Variants in ARL17A observed in about 807,000 individuals in gnomAD.
ARL17A encodes ADP-ribosylation factor-like 17-like.
intron 3 of ARL17A, among the ~76,000 whole-genome samples, chr17:46,545,580 A>G (rs1185554891): frequency 2.3e-5 from 3 of 128,762 alleles, no homozygotes; most frequent in Admixed American, 2.3e-4. Context: ...TGTCTGAATG[A>G]ATTTGTATTA....
chr17:46,569,232 G>A (rs561596669), intron 3 of ARL17A, among the ~76,000 whole-genome samples: 7 of 151,712 alleles, frequency 4.6e-5, no homozygotes, highest in East Asian at 1.9e-4. Flanking sequence ...ACAGGTGTAA[G>A]CCACCACACT....
At chr17:46,541,688 A>G (rs2055350381) in intron 3 of ARL17A, among the ~76,000 whole-genome samples, 1 of 151,022 alleles carries the variant, frequency 6.6e-6, no homozygotes, top group Non-Finnish European at 1.5e-5. Flanking sequence ...TGGAAAAAAT[A>G]AAATATATAA....
intron 4 of ARL17A, among the ~76,000 whole-genome samples, chr17:46,534,507 G>C (rs1293475540): frequency 2.0e-5 from 3 of 148,368 alleles, no homozygotes; most frequent in Non-Finnish European, 4.4e-5. Context: ...AGAGCACTGG[G>C]TTGGGGGTAA....
In ARL17A at chr17:46,545,071, G is replaced by A. The variant is rs531847811; in HGVS notation, c.260-6645C>T. 2.9e-4 allele frequency among the ~76,000 whole-genome samples: 40 copies of A among 136,312 alleles called. 3 individuals carry two copies. Among genetic ancestry groups the A allele is most frequent in the African/African-American group, 9.9e-4 (34 of 34,288 alleles). 89.4% of individuals were successfully genotyped at this position (136,312 alleles called of 152,430 possible). ...ATAGGTGATGTATCCTTCCTGCCTC[G>A]TAACCGCAGATGGCCTGTAATACTA... On this transcript the variant is annotated intron_variant, in intron 3 of 4. Transcript: ENST00000329240.
intron 3 of ARL17A, among the ~76,000 whole-genome samples, chr17:46,568,517 G>C (rs1379015566): frequency 1.7e-5 from 2 of 114,676 alleles, no homozygotes; most frequent in Non-Finnish European, 3.6e-5. Flanking sequence ...AAAAAAGAGG[G>C]GGGGAGGCCA....
At chr17:46,551,268 G>C (rs1411717513), downstream of ARL17A, among the ~76,000 whole-genome samples, 3 of 149,586 alleles carry the variant, frequency 2.0e-5, no homozygotes, top group Non-Finnish European at 2.9e-5. Context: ...CCTGGAGCTT[G>C]CCTCTGTCTT....
intron 2 of ARL17A, among the ~76,000 whole-genome samples, chr17:46,573,053 C>T (rs944650933): frequency 8.8e-6 from 1 of 114,208 alleles, no homozygotes; most frequent in Non-Finnish European, 1.8e-5. Flanking sequence ...GTCCCCTTAG[C>T]GGCTTCCCAC....
At chr17:46,525,700 C>CTGG (rs1251184051), downstream of ARL17A, among the ~76,000 whole-genome samples, 1 of 116,716 alleles carries the variant, frequency 8.6e-6, no homozygotes, top group Non-Finnish European at 1.9e-5. Context: ...ACTGGAATCA[C>CTGG]AGTTGATAAA....
At chr17:46,549,738 AGT>A, downstream of ARL17A, 1 of 425,388 alleles carries the variant, frequency 2.4e-6, no homozygotes, top group Non-Finnish European at 3.9e-6. Context: ...GGCAGCAGGA[AGT>A]AAAGGCATCC....
the ARL17A span, among the ~76,000 whole-genome samples, chr17:46,503,128 C>T: frequency 6.7e-6 from 1 of 148,760 alleles, no homozygotes; most frequent in Non-Finnish European, 1.5e-5. Context: ...AGGAGAATGG[C>T]GTGAACCCGG....
the ARL17A span, among the ~76,000 whole-genome samples, chr17:46,502,937 G>A: frequency 4.6e-5 from 7 of 150,586 alleles, no homozygotes; most frequent in Non-Finnish European, 7.4e-5. Context: ...TCATTGCCAG[G>A]CGTGGTGGCT....
rs2053778050 is a variant in ARL17A, at chr17:46,532,253, T to C, written c.336-3394A>G. On this transcript the variant is annotated intron_variant, in intron 4 of 4. Transcript: ENST00000329240. ...ACAACAATTGTAGTGAAACCATAGA[T>C]CAGTTTGGAGAATCATGCTATTATT... Among the ~76,000 whole-genome samples, 4 of 149,014 alleles carry C rather than the reference T, an allele frequency of 2.7e-5. No homozygotes were observed. The South Asian group carries it at 8.4e-4, about 31-fold the overall frequency.
the ARL17A span, among the ~76,000 whole-genome samples, chr17:46,502,866 C>T: frequency 6.6e-6 from 1 of 150,774 alleles, no homozygotes; most frequent in Non-Finnish European, 1.5e-5. Context: ...CGAAAGTCTC[C>T]ACTGTGACTC....
chr17:46,532,515 A>G (rs1390314649), intron 4 of ARL17A, among the ~76,000 whole-genome samples: 4 of 146,818 alleles, frequency 2.7e-5, no homozygotes. Context: ...AGTATTTGGT[A>G]GATTCACCAG....
chr17:46,501,363 T>G, the ARL17A span, among the ~76,000 whole-genome samples: 1 of 151,080 alleles, frequency 6.6e-6, no homozygotes, highest in Non-Finnish European at 1.5e-5. Context: ...TTAGTAGAGA[T>G]AGAGTTTCAC....
downstream of ARL17A, among the ~76,000 whole-genome samples, chr17:46,551,095 A>G (rs1437378538): frequency 6.7e-6 from 1 of 149,952 alleles, no homozygotes; most frequent in Non-Finnish European, 1.5e-5. Context: ...GGAACGTCTC[A>G]TACTCTAGCC....
chr17:46,534,806 G>T (rs1212607713), intron 4 of ARL17A, among the ~76,000 whole-genome samples: 5 of 147,782 alleles, frequency 3.4e-5, no homozygotes, highest in Admixed American at 2.6e-4. Flanking sequence ...CCCGGAGGGG[G>T]CGGCTGGCCA....
chr17:46,530,121 G>A (rs1455623740), intron 4 of ARL17A, among the ~76,000 whole-genome samples: 14 of 138,428 alleles, frequency 1.0e-4, no homozygotes, highest in Non-Finnish European at 2.0e-4. Flanking sequence ...CAAACTCCTG[G>A]GCTCAAGCTT....
chr17:46,542,791 A>G lies in ARL17A; in HGVS notation c.260-4365T>C, dbSNP rs555891946. Reference sequence around the variant, plus strand: ...TTGTTACACAATTTACTGCAACTTCAATTGTGCCACCAGCCCCCACAATAT... The same window carrying G: ...TTGTTACACAATTTACTGCAACTTCGATTGTGCCACCAGCCCCCACAATAT... On this transcript the variant is annotated intron_variant, in intron 3 of 4. Coordinates refer to the ARL17A transcript ENST00000329240. Among the ~76,000 whole-genome samples, 6 of 150,644 alleles carry G rather than the reference A, an allele frequency of 4.0e-5. 1 individual carries two copies. In the South Asian group the frequency reaches 1.2e-3, roughly 31 times the overall value.
Sources: allele counts gnomAD v4.1 joint callset (sites outside exome capture counted in the v4.1 genomes callset), GRCh38; gene constraint gnomAD v4.1.1; transcripts MANE v1.5; gene names NCBI Gene and HGNC (gene_info 2026-07-23, HGNC 2026-07-21).